GRIN2B: variants seen among roughly 807,000 people sequenced by gnomAD.
The protein encoded by GRIN2B is glutamate ionotropic receptor NMDA type subunit 2B.
GRIN2B carries 5 observed loss-of-function variants against 114.5 expected under a neutral mutation model. That is an observed-to-expected ratio of 0.04 (90% confidence interval 0.02 to 0.09). The LOEUF (loss-of-function observed/expected upper bound fraction) is 0.09. Among genes scored for constraint, GRIN2B ranks in the 10% least tolerant of loss-of-function variants. The probability of loss-of-function intolerance (pLI) is 1.00; values close to 1 mark genes in which losing one functional copy is unlikely to be tolerated. For synonymous variants in GRIN2B, 787 were observed against 745.1 expected (o/e 1.06, Z -0.92); for missense variants, 1,108 against 1,943.5 (o/e 0.57, Z 8.08).
At position 13,552,636 on chromosome 12, in the gene GRIN2B, T is replaced by C. The variant is rs1357605960; in HGVS notation, c.*10147A>G. 2.6e-5 allele frequency: 4 copies of C among 152,026 alleles called. No individual in the cohort carries two copies. Among genetic ancestry groups the C allele is most frequent in the African/African-American group, 9.7e-5 (4 of 41,432 alleles). The allele number at this position is 152,026 out of a possible 1,614,324, so 9.4% of individuals were successfully genotyped here. On this transcript the variant is annotated 3_prime_UTR_variant, in exon 14 of 14. Transcript: ENST00000609686. ...TCTTCCTACCCTCCCACCAGCTGTT[T>C]ACCAGATAATTTGTTTCATCAGCTA...
chr12:13,789,092 C>G (rs1406339023), intron 3 of GRIN2B, among the ~76,000 whole-genome samples: 1 of 151,968 alleles, frequency 6.6e-6, no homozygotes, highest in Non-Finnish European at 1.5e-5. Context: ...TTCCTATACA[C>G]ACTTAAAAAC....
At chr12:13,640,559 G>A (rs1020023416) in intron 5 of GRIN2B, among the ~76,000 whole-genome samples, 12 of 152,068 alleles carry the variant, frequency 7.9e-5, no homozygotes, top group African/African-American at 2.9e-4. Flanking sequence ...TTCTCCTCAT[G>A]TTCTATGCTC....
chr12:13,702,060 A>G (rs1301379726), intron 4 of GRIN2B, among the ~76,000 whole-genome samples: 12 of 152,220 alleles, frequency 7.9e-5, no homozygotes, highest in Non-Finnish European at 1.5e-4. Context: ...TTTGCCGACA[A>G]ATAATCACAT....
At chr12:13,959,685 C>T (rs973445746) in intron 2 of GRIN2B, among the ~76,000 whole-genome samples, 1 of 151,312 alleles carries the variant, frequency 6.6e-6, no homozygotes, top group Admixed American at 6.6e-5. Context: ...CACTGGCAAC[C>T]ATAGAAATGT....
intron 5 of GRIN2B, among the ~76,000 whole-genome samples, chr12:13,637,666 T>C (rs1949677949): frequency 6.6e-6 from 1 of 152,134 alleles, no homozygotes; most frequent in Non-Finnish European, 1.5e-5. Flanking sequence ...CAAATTATTA[T>C]CATTCATAAC....
chr12:13,807,603 T>C (rs1864627707), intron 3 of GRIN2B, among the ~76,000 whole-genome samples: 1 of 151,960 alleles, frequency 6.6e-6, no homozygotes, highest in Non-Finnish European at 1.5e-5. Flanking sequence ...GCTGCTTGAT[T>C]ACGGAAATTA....
chr12:13,810,966 A>T lies in GRIN2B; in HGVS notation c.411+54832T>A, dbSNP rs180980249. On this transcript the variant is annotated intron_variant, in intron 3 of 13. Coordinates refer to ENST00000609686, the MANE Select transcript of GRIN2B (RefSeq NM_000834.5). Reference sequence around the variant, plus strand: ...TCTGAAAGTCTCACTCTCTGAATTGAATTAAGGTGTCAATGAGCAATAAAA... The same window carrying T: ...TCTGAAAGTCTCACTCTCTGAATTGTATTAAGGTGTCAATGAGCAATAAAA... 8.3e-4 allele frequency among the ~76,000 whole-genome samples: 126 copies of T among 152,344 alleles called. 1 individual carries two copies. The highest frequency in any genetic ancestry group is 2.9e-3 in the African/African-American group (121 of 41,578).
At position 13,608,690 on chromosome 12, in the gene GRIN2B, G is replaced by T. The variant is rs767875110; in HGVS notation, c.1923C>A (p.Ile641=). 5.4e-5 allele frequency: 87 copies of T among 1,614,030 alleles called. No homozygotes were observed. Among genetic ancestry groups the T allele is most frequent in the Non-Finnish European group, 7.2e-5 (85 of 1,180,014 alleles). Residue 641 remains isoleucine, a synonymous_variant, in exon 10 of 14, where the codon ATC becomes ATA. Transcript: ENST00000609686. ...AGTTGGCAGTGTAGCTGGCCAGGAA[G>T]ATGACAGCAAAGAAGGCCCACACTG... is the stretch of plus-strand genomic sequence containing the variant. ...MVSVWAFFAV[I]FLASYTANLA...
intron 10 of GRIN2B, among the ~76,000 whole-genome samples, chr12:13,593,308 C>T (rs1409049197): frequency 6.6e-6 from 1 of 152,142 alleles, no homozygotes; most frequent in Admixed American, 6.5e-5. Context: ...TACAAGCCTA[C>T]AGTAACAAAA....
At chr12:13,799,697 G>C (rs930459458) in intron 3 of GRIN2B, among the ~76,000 whole-genome samples, 1 of 151,942 alleles carries the variant, frequency 6.6e-6, no homozygotes, top group Non-Finnish European at 1.5e-5. Flanking sequence ...ATCAGCAGGA[G>C]AGAGGGGGGG....
chr12:13,801,695 T>A (rs1442223515), intron 3 of GRIN2B, among the ~76,000 whole-genome samples: 1 of 151,942 alleles, frequency 6.6e-6, no homozygotes, highest in Non-Finnish European at 1.5e-5. Flanking sequence ...TCAGGAAAAA[T>A]CTTGACAGAA....
rs1948396581 is a variant in GRIN2B, at chr12:13,550,512, T to C, written c.*12271A>G. 1 of 152,228 alleles carries C rather than the reference T, an allele frequency of 6.6e-6. No individual in the cohort carries two copies. The highest frequency in any genetic ancestry group is 1.5e-5 in the Non-Finnish European group (1 of 68,038). The allele number at this position is 152,228 out of a possible 1,614,324, so 9.4% of individuals were successfully genotyped here. A position where few individuals can be genotyped will look rare whatever the true frequency, so the allele number is the denominator to read the frequency against. ...CTGTCATAAAGAATATGTATGTATC[T>C]AAGCAACAGGACTGTCTGTTCTCAG... On this transcript the variant is annotated 3_prime_UTR_variant, in exon 14 of 14. Coordinates refer to ENST00000609686, the MANE Select transcript of GRIN2B (RefSeq NM_000834.5).
intron 5 of GRIN2B, among the ~76,000 whole-genome samples, chr12:13,620,408 T>C (rs1949499382): frequency 6.6e-6 from 1 of 152,156 alleles, no homozygotes; most frequent in South Asian, 2.1e-4. Flanking sequence ...GGCTGGTAGC[T>C]TGAAACTGGC....
chr12:13,943,267 A>G (rs2136838662), intron 2 of GRIN2B, among the ~76,000 whole-genome samples: 1 of 152,226 alleles, frequency 6.6e-6, no homozygotes, highest in Middle Eastern at 3.4e-3. Flanking sequence ...AAATTTAAGC[A>G]TTTTGCCCAG....
intron 2 of GRIN2B, among the ~76,000 whole-genome samples, chr12:13,875,888 G>A: frequency 6.6e-6 from 1 of 152,120 alleles, no homozygotes; most frequent in Middle Eastern, 3.2e-3. Context: ...GAACCTGCTA[G>A]GAGACAGGAT....
Position 13,572,058 on chromosome 12 carries a change from AG to A in GRIN2B, c.2011-95del. The A allele has an allele frequency of 4.2e-6, 4 of 962,434 alleles. No homozygotes were observed. The South Asian group carries it at 5.6e-5, about 13-fold the overall frequency. The allele number at this position is 962,434 out of a possible 1,614,324, so 59.6% of individuals were successfully genotyped here. A position where few individuals can be genotyped will look rare whatever the true frequency, so the allele number is the denominator to read the frequency against. On this transcript the variant is annotated intron_variant, in intron 10 of 13. Transcript: ENST00000609686. Reference sequence around the variant, plus strand: ...AGAAAATGTGAAGAGACATTAAGTAAGTTAGCATTAGTGGATTTATAATGGA... The same window carrying A: ...AGAAAATGTGAAGAGACATTAAGTAATTAGCATTAGTGGATTTATAATGGA...
chr12:13,963,521 A>T lies in GRIN2B; in HGVS notation c.-19+16407T>A, dbSNP rs553037989. On this transcript the variant is annotated intron_variant, in intron 2 of 13. Transcript: ENST00000609686. ...AGAAATCGGCAGCGTTACTCACAGG[A>T]TATGGACAAGAGAGGCAGAGAGCTC... is the stretch of plus-strand genomic sequence containing the variant. Among the ~76,000 whole-genome samples, 4 of 152,286 alleles carry T rather than the reference A, an allele frequency of 2.6e-5. No homozygotes were observed. In the South Asian group the frequency reaches 8.3e-4, roughly 32 times the overall value.
chr12:13,812,725 A>G (rs1334982437), intron 3 of GRIN2B, among the ~76,000 whole-genome samples: 1 of 152,170 alleles, frequency 6.6e-6, no homozygotes, highest in Non-Finnish European at 1.5e-5. Context: ...ATGAAAGGTA[A>G]GATCAGATAT....
At chr12:13,718,422 C>A (rs914375742) in intron 4 of GRIN2B, among the ~76,000 whole-genome samples, 1 of 151,788 alleles carries the variant, frequency 6.6e-6, no homozygotes, top group African/African-American at 2.4e-5. Context: ...GGAGGAAGTA[C>A]CAAGGAAAAA....
Sources: gnomAD v4.1 joint callset for allele counts (sites outside exome capture counted in the v4.1 genomes callset) on GRCh38, gnomAD v4.1.1 for gene constraint, MANE v1.5 for transcripts, NCBI Gene and HGNC (gene_info 2026-07-23, HGNC 2026-07-21) for gene names.